PLA2G4C: variants seen among roughly 807,000 people sequenced by gnomAD.
The protein encoded by PLA2G4C is cytosolic phospholipase A2 gamma.
A neutral mutation model predicts 73.8 loss-of-function variants in PLA2G4C; 64 were observed. That is an observed-to-expected ratio of 0.87 (90% CI 0.71 to 1.07). PLA2G4C has a LOEUF of 1.07. Among genes scored for constraint, PLA2G4C ranks in the 50% least tolerant of loss-of-function variants. PLA2G4C has a pLI of 0.00. For missense variants in PLA2G4C, 622 were observed against 665.4 expected (o/e 0.93, Z 0.72); for synonymous variants, 254 against 252.1 (o/e 1.01, Z -0.07).
At position 48,110,542 on chromosome 19, in the gene PLA2G4C, C is replaced by A. The variant is rs1441973998; in HGVS notation, c.-88G>T. 2.0e-6 allele frequency: 3 copies of A among 1,531,310 alleles called. No individual in the cohort carries two copies. The highest frequency in any genetic ancestry group is 2.6e-6 in the Non-Finnish European group (3 of 1,142,020). 94.9% of individuals were successfully genotyped at this position (1,531,310 alleles called of 1,614,324 possible). On this transcript the variant is annotated 5_prime_UTR_variant, in exon 1 of 17. Coordinates refer to ENST00000599921, the MANE Select transcript of PLA2G4C (RefSeq NM_003706.3). ...CGCGGTGGAGCTTGTGCTCCGGAAT[C>A]CGGTGCGGAGGCTTGGGCTCCCTGC... is the stretch of plus-strand genomic sequence containing the variant.
chr19:48,059,099 C>T (rs1293385312), intron 14 of PLA2G4C, among the ~76,000 whole-genome samples: 6 of 151,822 alleles, frequency 4.0e-5, no homozygotes, highest in East Asian at 1.9e-4. Context: ...GGTGAAACCC[C>T]GTCTCTACTA....
At chr19:48,101,486 C>T (rs1048109058) in intron 4 of PLA2G4C, among the ~76,000 whole-genome samples, 5 of 151,892 alleles carry the variant, frequency 3.3e-5, no homozygotes, top group Admixed American at 2.6e-4. Context: ...GCTATCTACC[C>T]TCACACCATC....
chr19:48,102,882 G>C (rs1484982325), intron 4 of PLA2G4C, among the ~76,000 whole-genome samples: 1 of 152,048 alleles, frequency 6.6e-6, no homozygotes, highest in African/African-American at 2.4e-5. Flanking sequence ...TCCTGTGAAG[G>C]ACCTCCTCAC....
At chr19:48,083,764 T>G (rs2030798885) in intron 10 of PLA2G4C, among the ~76,000 whole-genome samples, 1 of 151,876 alleles carries the variant, frequency 6.6e-6, no homozygotes, top group African/African-American at 2.4e-5. Context: ...TCTTTATTTT[T>G]TAATTTTTTT....
At chr19:48,068,561 G>A (rs1192453415) in intron 12 of PLA2G4C, among the ~76,000 whole-genome samples, 2 of 151,956 alleles carry the variant, frequency 1.3e-5, no homozygotes, top group Middle Eastern at 3.4e-3. Flanking sequence ...GCATATTAAT[G>A]CATGCCTGTG....
At chr19:48,110,287 C>T (rs251696) in intron 1 of PLA2G4C, among the ~76,000 whole-genome samples, 200 bp downstream of exon 1, 3 of 151,194 alleles carry the variant, frequency 2.0e-5, no homozygotes, top group Non-Finnish European at 4.4e-5. Context: ...CGGAGCTTGC[C>T]GTGAGCCGAG....
At position 48,054,995 on chromosome 19, in the gene PLA2G4C, C is replaced by T. The variant is rs765698760; in HGVS notation, c.1312G>A (p.Val438Ile). The T allele has an allele frequency of 1.9e-6, 3 of 1,613,450 alleles. No individual in the cohort carries two copies. Among genetic ancestry groups the T allele is most frequent in the Non-Finnish European group, 2.5e-6 (3 of 1,179,856 alleles). ...CRRHKIPFPQ[V>I]EEAELDLWSK... ...CACAAATCCAGCTCAGCCTCTTCTA[C>T]TTGGGGAAAGGGGATCTTGTGGCGG... The change falls in exon 15 of 17, where the codon GTA becomes ATA. Residue 438 changes from valine (V) to isoleucine (I), a missense_variant. Val to Ile is a conservative substitution (Grantham distance 29). Coordinates refer to ENST00000599921, the MANE Select transcript of PLA2G4C (RefSeq NM_003706.3).
chr19:48,067,701 C>A, intron 13 of PLA2G4C, 90 bp downstream of exon 13: 1 of 871,330 alleles, frequency 1.1e-6, no homozygotes, highest in Non-Finnish European at 2.0e-6. Context: ...AAGGACCAGC[C>A]TGGGATTGTT....
rs75286130 is a variant in PLA2G4C at position 48,075,858 on chromosome 19, A to G, written c.899-984T>C. ...AGTGCAGTGGTACAATCACCAGCCT[A>G]CCATCCCACAACATTAGTTAGCCAT... On this transcript the variant is annotated intron_variant, in intron 11 of 16. Coordinates refer to ENST00000599921, the MANE Select transcript of PLA2G4C (RefSeq NM_003706.3). Among the ~76,000 whole-genome samples the G allele has an allele frequency of 1.5e-3, 230 of 152,300 alleles. 2 individuals carry two copies. Among genetic ancestry groups the G allele is most frequent in the African/African-American group, 5.3e-3 (222 of 41,566 alleles).
intron 10 of PLA2G4C, among the ~76,000 whole-genome samples, chr19:48,078,928 G>A (rs968445033): frequency 7.6e-5 from 11 of 144,384 alleles, no homozygotes; most frequent in African/African-American, 2.6e-4. Flanking sequence ...GGAGTGCAAT[G>A]GCCAATTTTG....
chr19:48,102,731 C>G (rs979035777), intron 4 of PLA2G4C, among the ~76,000 whole-genome samples: 14 of 152,138 alleles, frequency 9.2e-5, no homozygotes, highest in African/African-American at 3.1e-4. Context: ...CCATCGTGCT[C>G]TCATTTTCCT....
At chr19:48,058,612 G>A (rs1380003935) in intron 14 of PLA2G4C, among the ~76,000 whole-genome samples, 1 of 152,116 alleles carries the variant, frequency 6.6e-6, no homozygotes, top group Non-Finnish European at 1.5e-5. Context: ...GAGGTCAGGA[G>A]TTCAAGACCA....
At position 48,104,695 on chromosome 19, in the gene PLA2G4C, G is replaced by A. The variant is rs773207259; in HGVS notation, c.150C>T (p.Gly50=). 12 of 1,614,008 alleles carry A rather than the reference G, an allele frequency of 7.4e-6. No homozygotes were observed. The highest frequency in any genetic ancestry group is 3.3e-5 in the South Asian group (3 of 91,064). ...EAPVVAVLGS[G]GGLRAHIACL... ...AGGCAATGTGAGCCCGCAGTCCTCCGCCTGAGCCCAGCACAGCAACAACTG... is the reference window on the plus strand; with the variant it reads ...AGGCAATGTGAGCCCGCAGTCCTCCACCTGAGCCCAGCACAGCAACAACTG... Residue 50 remains glycine, a synonymous_variant, in exon 4 of 17, where the codon GGC becomes GGT. Transcript: ENST00000599921.
chr19:48,066,120 C>A (rs1319999499), intron 13 of PLA2G4C, among the ~76,000 whole-genome samples: 1 of 151,632 alleles, frequency 6.6e-6, no homozygotes, highest in Non-Finnish European at 1.5e-5. Context: ...GTTGACATGA[C>A]TGCTAGTCAG....
At chr19:48,105,095 A>C (rs2032104962) in intron 3 of PLA2G4C, among the ~76,000 whole-genome samples, 1 of 146,930 alleles carries the variant, frequency 6.8e-6, no homozygotes, top group South Asian at 2.1e-4. Context: ...AAAAAAAAAA[A>C]AAAAAAAAAG....
At chr19:48,076,468 C>T (rs977411472) in intron 11 of PLA2G4C, among the ~76,000 whole-genome samples, 6 of 152,208 alleles carry the variant, frequency 3.9e-5, no homozygotes, top group Admixed American at 1.3e-4. Flanking sequence ...CTTGGCCCAG[C>T]GCGGTGGCTC....
intron 7 of PLA2G4C, among the ~76,000 whole-genome samples, chr19:48,094,338 G>A (rs1485012398): frequency 6.6e-6 from 1 of 151,946 alleles, no homozygotes; most frequent in Non-Finnish European, 1.5e-5. Flanking sequence ...CTCCTTCCCT[G>A]GAGTGCAAAC....
chr19:48,062,274 G>T, intron 13 of PLA2G4C, 122 bp from the exon 14 acceptor site: 1 of 826,798 alleles, frequency 1.2e-6, no homozygotes, highest in Non-Finnish European at 1.8e-6. Context: ...CAGTTGTGAG[G>T]TTGCCAACTA....
intron 6 of PLA2G4C, chr19:48,097,819 A>G (rs1252805205): frequency 1.1e-5 from 3 of 266,784 alleles, no homozygotes; most frequent in Admixed American, 1.1e-4. Context: ...GGATCTCACT[A>G]TGTTGCCCAG....
Sources: allele counts gnomAD v4.1 joint callset (sites outside exome capture counted in the v4.1 genomes callset), GRCh38; gene constraint gnomAD v4.1.1; transcripts MANE v1.5; gene names NCBI Gene and HGNC (gene_info 2026-07-23, HGNC 2026-07-21).